Variants in XCR1 observed in about 807,000 individuals in gnomAD.
XCR1 encodes chemokine XC receptor 1.
For synonymous variants in XCR1, 187 were observed against 188.5 expected (o/e 0.99, Z 0.06); for missense variants, 356 against 424.2 (o/e 0.84, Z 1.41).
intron 4 of XCR1, among the ~76,000 whole-genome samples, chr3:46,064,746 C>T (rs1351600254): frequency 6.6e-6 from 1 of 152,192 alleles, no homozygotes; most frequent in Non-Finnish European, 1.5e-5. Context: ...TGCTCAGCCC[C>T]AGGTATCCAC....
chr3:46,078,498 C>T (rs1698301334), intron 1 of XCR1, among the ~76,000 whole-genome samples: 1 of 152,112 alleles, frequency 6.6e-6, no homozygotes, highest in South Asian at 2.1e-4. Flanking sequence ...TCCATCTGTG[C>T]CTAATGGGCA....
chr3:46,070,934 G>GT (rs1698153378), intron 3 of XCR1, among the ~76,000 whole-genome samples: 1 of 151,970 alleles, frequency 6.6e-6, no homozygotes, highest in East Asian at 1.9e-4. Flanking sequence ...TTGTGTAATT[G>GT]TTTTATGAAA....
chr3:46,021,971 T>C lies in XCR1; in HGVS notation c.-24A>G. The C allele has an allele frequency of 6.3e-7, 1 of 1,588,044 alleles. No individual in the cohort carries two copies. ...ATCTGGACCAGATGGCAGGGACGTT[T>C]AGAGCATCTGAAATGATAGAGACAT... On this transcript the variant is annotated 5_prime_UTR_variant, in exon 2 of 2. An upstream open reading frame in the 5' UTR loses its in-frame stop. Coordinates refer to ENST00000309285, the MANE Select transcript of XCR1 (RefSeq NM_001024644.2). The surrounding 1 kb of genome is among the most constrained non-coding windows in gnomAD (Gnocchi z 4.7).
intron 4 of XCR1, among the ~76,000 whole-genome samples, chr3:46,054,670 T>C (rs1697819459): frequency 6.6e-6 from 1 of 152,104 alleles, no homozygotes; most frequent in Non-Finnish European, 1.5e-5. Context: ...AAGAAAGCTT[T>C]AATCAGGTGC....
rs745907143 is a variant in XCR1 at position 46,020,903 on chromosome 3, G to A, written c.*43C>T. 10 of 1,583,968 alleles carry A rather than the reference G, an allele frequency of 6.3e-6. 2 individuals carry two copies. In the South Asian group the frequency reaches 1.2e-4, roughly 18 times the overall value. On this transcript the variant is annotated 3_prime_UTR_variant, in exon 2 of 2. Coordinates refer to ENST00000309285, the MANE Select transcript of XCR1 (RefSeq NM_001024644.2). The stretch of plus-strand genomic sequence containing the variant: ...CCGCTTCTCCATGACCCCCATTCCA[G>A]TCCCTGTCCACCTGCACCTGCGCCT...
chr3:46,064,039 A>AT (rs1264430661), intron 4 of XCR1, among the ~76,000 whole-genome samples: 4 of 152,082 alleles, frequency 2.6e-5, no homozygotes, highest in South Asian at 2.1e-4. Context: ...TGCCAGGATA[A>AT]TTTTTTTATT....
chr3:46,031,454 C>T (rs116990635), upstream of XCR1, among the ~76,000 whole-genome samples: 1 of 152,354 alleles, frequency 6.6e-6, no homozygotes, highest in East Asian at 1.9e-4. Flanking sequence ...ATGCTAGGCC[C>T]TGTCACCTTG....
intron 4 of XCR1, among the ~76,000 whole-genome samples, chr3:46,061,461 C>T (rs933872838): frequency 2.0e-5 from 3 of 152,222 alleles, no homozygotes; most frequent in African/African-American, 7.2e-5. Flanking sequence ...CTAACTGACT[C>T]ACAGAGTGGA....
At chr3:46,072,122 C>A (rs984589517) in intron 3 of XCR1, among the ~76,000 whole-genome samples, 2 of 152,114 alleles carry the variant, frequency 1.3e-5, no homozygotes, top group African/African-American at 4.8e-5. Flanking sequence ...AATCAACAGA[C>A]AAAAATCAGT....
chr3:46,063,993 C>T lies in XCR1; in HGVS notation c.-183+2906G>A, dbSNP rs187202153. ...GCTTGAGCAATCCTCCCACCTCAAC[C>T]TCCCTAGTAGCTGGGACTAAAGGTG... On this transcript the variant is annotated intron_variant, in intron 4 of 5. Coordinates refer to the XCR1 transcript ENST00000683768. 1.1e-3 allele frequency among the ~76,000 whole-genome samples: 175 copies of T among 152,276 alleles called. 2 individuals are homozygous for T. Among genetic ancestry groups the T allele is most frequent in the African/African-American group, 4.1e-3 (170 of 41,562 alleles).
At chr3:46,078,119 A>G (rs1446928662) in intron 1 of XCR1, among the ~76,000 whole-genome samples, 1 of 152,234 alleles carries the variant, frequency 6.6e-6, no homozygotes, top group East Asian at 1.9e-4. Flanking sequence ...CCTGCTCGCA[A>G]CAAAGGCTGG....
At chr3:46,062,165 A>G (rs947497357) in intron 4 of XCR1, among the ~76,000 whole-genome samples, 1 of 152,090 alleles carries the variant, frequency 6.6e-6, no homozygotes, top group African/African-American at 2.4e-5. Flanking sequence ...GAGAAAATAG[A>G]TGGTTTCTGA....
At chr3:46,053,178 C>G (rs576789258) in intron 5 of XCR1, among the ~76,000 whole-genome samples, 6 of 152,188 alleles carry the variant, frequency 3.9e-5, no homozygotes, top group African/African-American at 1.2e-4. Flanking sequence ...GCACCAAACA[C>G]AGATTCTAGC....
At chr3:46,076,581 A>G (rs1004022926) in intron 2 of XCR1, among the ~76,000 whole-genome samples, 71 of 147,332 alleles carry the variant, frequency 4.8e-4, no homozygotes, top group African/African-American at 1.5e-3. Flanking sequence ...TATTTTGAAA[A>G]AAAAAAAAAA....
chr3:46,049,303 G>C (rs1209879228), intron 5 of XCR1, among the ~76,000 whole-genome samples: 1 of 151,998 alleles, frequency 6.6e-6, no homozygotes, highest in Non-Finnish European at 1.5e-5. Context: ...TGAGATAAAT[G>C]GAACATGTGA....
intron 5 of XCR1, among the ~76,000 whole-genome samples, chr3:46,049,454 A>G (rs190884594): frequency 1.4e-4 from 21 of 152,250 alleles, no homozygotes; most frequent in African/African-American, 4.8e-4. Context: ...TATGAGAAAT[A>G]TGAAAAGAAG....
At chr3:46,034,688 C>A (rs1399913302) in intron 5 of XCR1, among the ~76,000 whole-genome samples, 2 of 152,078 alleles carry the variant, frequency 1.3e-5, no homozygotes, top group Non-Finnish European at 2.9e-5. Context: ...ATATATACCA[C>A]CTGAATAATA....
At chr3:46,037,004 T>C (rs1559483845) in intron 5 of XCR1, among the ~76,000 whole-genome samples, 1 of 152,220 alleles carries the variant, frequency 6.6e-6, no homozygotes, top group Non-Finnish European at 1.5e-5. Context: ...TCAATGCTTA[T>C]TGGATGCCTG....
chr3:46,045,194 G>T, intron 5 of XCR1, among the ~76,000 whole-genome samples: 1 of 152,082 alleles, frequency 6.6e-6, no homozygotes, highest in East Asian at 1.9e-4. Context: ...GCTGAATTGG[G>T]TGGATCATGA....
Sources: gnomAD v4.1 joint callset for allele counts (sites outside exome capture counted in the v4.1 genomes callset) on GRCh38, gnomAD v4.1.1 for gene constraint, Gnocchi (gnomAD v3.1) non-coding constraint, MANE v1.5 for transcripts, NCBI Gene and HGNC (gene_info 2026-07-23, HGNC 2026-07-21) for gene names.